Variants in MAGEC3 observed in about 807,000 individuals in gnomAD.
The protein encoded by MAGEC3 is melanoma-associated antigen C3.
A neutral mutation model predicts 35.3 loss-of-function variants in MAGEC3; 34 were observed. That is an observed-to-expected ratio of 0.96 (90% CI 0.73 to 1.28). MAGEC3 has a LOEUF of 1.28. Among genes scored for constraint, MAGEC3 ranks in the 50% most tolerant of loss-of-function variants. MAGEC3 has a pLI of 0.00. For missense variants in MAGEC3, 561 were observed against 483.6 expected (o/e 1.16, Z -1.50); for synonymous variants, 202 against 185.6 (o/e 1.09, Z -0.72).
At chrX:141,895,697 G>A in intron 6 of MAGEC3, 138 bp downstream of exon 6, 1 of 325,319 alleles carries the variant, frequency 3.1e-6, no homozygotes, top group Non-Finnish European at 4.9e-6. Flanking sequence ...AGCTCAGGCT[G>A]AGCGGCAGTC....
intron 1 of MAGEC3, among the ~76,000 whole-genome samples, chrX:141,844,919 A>G (rs1479795406): frequency 9.2e-6 from 1 of 109,288 alleles, no homozygotes; most frequent in Non-Finnish European, 1.9e-5. Flanking sequence ...ATTTCTCAAA[A>G]GTAATTGGTA....
At chrX:141,841,798 T>C (rs189946820) in intron 1 of MAGEC3, among the ~76,000 whole-genome samples, 12 of 111,657 alleles carry the variant, frequency 1.1e-4, no homozygotes, top group Admixed American at 4.8e-4. Flanking sequence ...TTTCAGTCTA[T>C]TTTGCTAACT....
chrX:141,859,871 C>T (rs1164712851), intron 1 of MAGEC3, among the ~76,000 whole-genome samples: 2 of 111,852 alleles, frequency 1.8e-5, no homozygotes, highest in East Asian at 5.7e-4. Flanking sequence ...AACGGCTTGG[C>T]CTAATGACAG....
intron 1 of MAGEC3, among the ~76,000 whole-genome samples, chrX:141,859,423 T>C (rs921070844): frequency 8.9e-6 from 1 of 111,895 alleles, no homozygotes; most frequent in Non-Finnish European, 1.9e-5. Flanking sequence ...TTTTTGTGAA[T>C]ACCCTATACA....
At chrX:141,880,831 A>G in intron 3 of MAGEC3, 1 of 1,134,886 alleles carries the variant, frequency 8.8e-7, no homozygotes, top group Non-Finnish European at 1.2e-6. Context: ...AGAGAAGAAG[A>G]GCTGTAAGCC....
rs184949032 is a variant in MAGEC3 at position 141,874,634 on chromosome X, A to G, written c.259-4541A>G. ...TTATGTCACTAGGGAATTACAAAGT[A>G]AAACAGGATACCACTACACATCTTT... On this transcript the variant is annotated intron_variant, in intron 2 of 7. Coordinates refer to ENST00000298296, the MANE Select transcript of MAGEC3 (RefSeq NM_138702.1). Among the ~76,000 whole-genome samples the G allele has an allele frequency of 4.2e-3, 464 of 111,501 alleles. 3 individuals carry two copies. Among genetic ancestry groups the G allele is most frequent in the African/African-American group, 0.015 (449 of 30,548 alleles).
chrX:141,879,313 G>A lies in MAGEC3; in HGVS notation c.397G>A (p.Glu133Lys), dbSNP rs775758163. 2.6e-5 allele frequency: 31 copies of A among 1,205,942 alleles called. No homozygotes were observed. The highest frequency in any genetic ancestry group is 6.6e-5 in the Admixed American group (3 of 45,460). ...REEPQDWPLN[E>K]KRTLWKDSDL... The stretch of plus-strand genomic sequence containing the variant: ...GGAACCCCAGGACTGGCCACTCAAC[G>A]AGAAGAGAACTCTGTGGAAGGACAG... The change falls in exon 3 of 8, where the codon GAG (glutamate) becomes AAG (lysine). Residue 133 changes from glutamate to lysine, a missense_variant. By Grantham distance (56) the Glu-to-Lys change is moderately conservative. Transcript: ENST00000298296.
At chrX:141,897,585 C>T (rs771102877) in intron 7 of MAGEC3, 44 bp from the exon 8 acceptor site, 6 of 1,197,140 alleles carry the variant, frequency 5.0e-6, no homozygotes, top group Middle Eastern at 2.4e-4. Context: ...GGGAGGTGCC[C>T]AACAGTGCTC....
At chrX:141,885,663 CAAAA>C (rs35973319) in intron 4 of MAGEC3, among the ~76,000 whole-genome samples, 3 of 40,998 alleles carry the variant, frequency 7.3e-5, no homozygotes, top group Non-Finnish European at 1.1e-4. Flanking sequence ...GACTTCGTCT[CAAAA>C]AAAAAAAAAA....
chrX:141,865,272 G>T, intron 1 of MAGEC3, among the ~76,000 whole-genome samples, 199 bp from the exon 2 acceptor site: 1 of 110,185 alleles, frequency 9.1e-6, no homozygotes, highest in African/African-American at 3.3e-5. Flanking sequence ...TTATTTTTGA[G>T]GCATCTTTTC....
At chrX:141,897,555 G>A (rs2018114467) in intron 7 of MAGEC3, 69 bp downstream of exon 7, 6 of 1,195,649 alleles carry the variant, frequency 5.0e-6, no homozygotes, top group Non-Finnish European at 1.1e-6. Context: ...ATTGGGTGCA[G>A]AGAAAGTACC....
At chrX:141,853,370 A>G (rs1404230084) in intron 1 of MAGEC3, among the ~76,000 whole-genome samples, 1 of 110,990 alleles carries the variant, frequency 9.0e-6, no homozygotes, top group Non-Finnish European at 1.9e-5. Context: ...CTACTGGAAA[A>G]CCAAACTCCG....
intron 1 of MAGEC3, among the ~76,000 whole-genome samples, chrX:141,861,152 G>C (rs1023740216): frequency 2.7e-5 from 3 of 110,753 alleles, no homozygotes; most frequent in Non-Finnish European, 5.7e-5. Context: ...ATTGATTTTG[G>C]TATGTCTAAG....
intron 2 of MAGEC3, among the ~76,000 whole-genome samples, chrX:141,868,352 A>G (rs2017864364): frequency 9.0e-6 from 1 of 111,677 alleles, no homozygotes; most frequent in African/African-American, 3.3e-5. Context: ...AATTTCTGTA[A>G]CAGATATAGT....
In MAGEC3 at chrX:141,897,339, C is replaced by T. The variant is rs138752702; in HGVS notation, c.1581C>T (p.Asp527=). The T allele has an allele frequency of 4.5e-4, 549 of 1,210,161 alleles. 3 individuals are homozygous for T. In the African/African-American group the frequency reaches 8.3e-3, roughly 18 times the overall value. Residue 527 remains aspartate, a synonymous_variant, in exon 7 of 8, where the codon GAC becomes GAT. Transcript: ENST00000298296. ...ACAACCACTCCTATTTCTTTGAAGA[C>T]ACATTAGACCTCACCTATGAGGGAA... The part of the protein sequence containing the change: ...DPDNHSYFFE[D]TLDLTYEGSL...
In MAGEC3 at chrX:141,896,751, TGAGGAG is replaced by T. The variant is rs745360532; in HGVS notation, c.1124-122_1124-117del. 5 of 1,209,684 alleles carry T rather than the reference TGAGGAG, an allele frequency of 4.1e-6. No homozygotes were observed. In the African/African-American group the frequency reaches 8.8e-5, roughly 21 times the overall value. On this transcript the variant is annotated intron_variant, in intron 6 of 7. Coordinates refer to ENST00000298296, the MANE Select transcript of MAGEC3 (RefSeq NM_138702.1). ...TGGTAGATGCACAGGATTCCATAGA[TGAGGAG>T]GAGGAGGATGCCTCCTCCACTTCCT...
intron 2 of MAGEC3, among the ~76,000 whole-genome samples, chrX:141,869,360 G>C (rs1185671762): frequency 2.7e-5 from 3 of 111,671 alleles, no homozygotes; most frequent in Admixed American, 1.9e-4. Context: ...AATTTTAGAG[G>C]AACTAGGCAG....
At chrX:141,877,694 G>T (rs2017928583) in intron 2 of MAGEC3, among the ~76,000 whole-genome samples, 1 of 111,363 alleles carries the variant, frequency 9.0e-6, no homozygotes, top group Non-Finnish European at 1.9e-5. Context: ...CAAACTAGAG[G>T]CTTCCAACAT....
chrX:141,895,417 C>G lies in MAGEC3; in HGVS notation c.1048+10C>G. 8.3e-7 allele frequency: 1 copy of G among 1,210,501 alleles called. No individual in the cohort carries two copies. The highest frequency in any genetic ancestry group is 1.1e-6 in the Non-Finnish European group (1 of 895,050). On this transcript the variant is annotated intron_variant, in intron 5 of 7. Coordinates refer to ENST00000298296, the MANE Select transcript of MAGEC3 (RefSeq NM_138702.1). ...CTGGCCAATCCTCAAGGTAAGGGCC[C>G]TAAGGGAGAACTGAGGGACTTCGCA...
Sources: gnomAD v4.1 joint callset for allele counts (sites outside exome capture counted in the v4.1 genomes callset) on GRCh38, gnomAD v4.1.1 for gene constraint, MANE v1.5 for transcripts, NCBI Gene and HGNC (gene_info 2026-07-23, HGNC 2026-07-21) for gene names.